The following TMEM9B variants were observed in gnomAD, a reference collection of about 807,000 sequenced individuals.
TMEM9B encodes transmembrane protein 9B.
Under a neutral mutation model 23.5 loss-of-function variants are expected in TMEM9B, and 8 were observed. The ratio of observed to expected loss-of-function variants is 0.34; its 90% CI spans 0.20 to 0.61. The LOEUF (loss-of-function observed/expected upper bound fraction) is 0.61. Among genes scored for constraint, TMEM9B ranks in the 20% least tolerant of loss-of-function variants. TMEM9B has a pLI of 0.78. For missense variants in TMEM9B, 197 were observed against 252.3 expected, an observed-to-expected ratio of 0.78 and a Z score of 1.49; for synonymous variants, 106 against 96.3, an observed-to-expected ratio of 1.10 and a Z score of -0.59.
intron 4 of TMEM9B, among the ~76,000 whole-genome samples, chr11:8,952,536 G>C (rs1473427177): frequency 6.6e-6 from 1 of 151,868 alleles, no homozygotes; most frequent in Non-Finnish European, 1.5e-5. Flanking sequence ...TCAGCCTCCT[G>C]AATAGTTGGG....
At chr11:8,953,691 T>A (rs747702043) in intron 3 of TMEM9B, among the ~76,000 whole-genome samples, 2 of 152,240 alleles carry the variant, frequency 1.3e-5, no homozygotes, top group Non-Finnish European at 2.9e-5. Context: ...TCTAGGCCGG[T>A]GATTTTTTCT....
Position 8,948,423 on chromosome 11 carries a change from C to T in TMEM9B, c.494G>A (p.Arg165Gln), listed in dbSNP as rs1479937361. The T allele has an allele frequency of 3.7e-6, 6 of 1,614,070 alleles. No homozygotes were observed. Among genetic ancestry groups the T allele is most frequent in the East Asian group, 4.5e-5 (2 of 44,892 alleles). ...AHDVLARSRS[R>Q]ANVLNKVEYA... ...TTCTACCTTGTTCAGCACGTTGGCT[C>T]GACTGCGGGAGCGGGCTAGCACATC... Residue 165 changes from arginine (R) to glutamine (Q), a missense_variant, in exon 5 of 5, where the codon CGA becomes CAA. Transcript: ENST00000534025.
intron 4 of TMEM9B, among the ~76,000 whole-genome samples, chr11:8,951,330 T>C (rs1566121437): frequency 6.6e-6 from 1 of 152,206 alleles, no homozygotes; most frequent in East Asian, 1.9e-4. Flanking sequence ...GGGCTCACTC[T>C]GGGTTTGGCT....
Position 8,962,163 on chromosome 11 carries a change from A to G in TMEM9B, c.126T>C (p.Cys42=). The part of the protein sequence containing the change: ...DAAKNFEDVR[C]KCICPPYKEN... ...CTTTATAGGGAGGGCAGATACATTTACATCTGACATCCTCGAAATTCTGTA... is the reference window on the plus strand; with the variant it reads ...CTTTATAGGGAGGGCAGATACATTTGCATCTGACATCCTCGAAATTCTGTA... The change falls in exon 2 of 5, where the codon TGT becomes TGC. Residue 42 remains cysteine, a synonymous_variant. Transcript: ENST00000534025. 1 of 1,603,086 alleles carries G rather than the reference A, an allele frequency of 6.2e-7. No individual in the cohort carries two copies. The highest frequency in any genetic ancestry group is 1.1e-5 in the South Asian group (1 of 88,104).
At chr11:8,951,751 G>C (rs947523783) in intron 4 of TMEM9B, among the ~76,000 whole-genome samples, 4 of 146,024 alleles carry the variant, frequency 2.7e-5, no homozygotes, top group African/African-American at 1.0e-4. Flanking sequence ...GAGCGAGACT[G>C]CGTCTCAAAA....
intron 1 of TMEM9B, 181 bp downstream of exon 1, chr11:8,964,028 C>T: frequency 1.2e-5 from 7 of 592,996 alleles, no homozygotes; most frequent in Non-Finnish European, 1.9e-5. Flanking sequence ...GGGCTGAGGG[C>T]GAGAGTGCCG....
intron 1 of TMEM9B, chr11:8,962,763 A>T (rs917972634): frequency 6.6e-6 from 1 of 152,300 alleles, no homozygotes; most frequent in Admixed American, 6.5e-5. Context: ...TACTCTTCCC[A>T]GGAAACTTTG....
chr11:8,964,402 C>T lies in TMEM9B; in HGVS notation c.-89G>A. On this transcript the variant is annotated 5_prime_UTR_variant, in exon 1 of 5. Transcript: ENST00000534025. ...GCTCAGGCTCAGGCTCAGGCACAGG[C>T]TTGGGACCCGGCTGGGGATCCTCCG... 6 of 1,477,588 alleles carry T rather than the reference C, an allele frequency of 4.1e-6. No homozygotes were observed. Among genetic ancestry groups the T allele is most frequent in the Non-Finnish European group, 5.4e-6 (6 of 1,118,106 alleles). The allele number at this position is 1,477,588 out of a possible 1,614,324, so 91.5% of individuals were successfully genotyped here. A position where few individuals can be genotyped will look rare whatever the true frequency, so the allele number is the denominator to read the frequency against.
At chr11:8,959,827 CTTAAGTT>C (rs1397805146) in intron 2 of TMEM9B, among the ~76,000 whole-genome samples, 3 of 152,268 alleles carry the variant, frequency 2.0e-5, no homozygotes, top group South Asian at 2.1e-4. Flanking sequence ...TCCAACTACT[CTTAAGTT>C]TTAAGTCAGC....
intron 1 of TMEM9B, chr11:8,964,003 C>T: frequency 1.8e-6 from 1 of 571,336 alleles, no homozygotes; most frequent in Non-Finnish European, 3.0e-6. Flanking sequence ...TGGGGCGCTG[C>T]CTGCCAGGCT....
At position 8,953,142 on chromosome 11, in the gene TMEM9B, A is replaced by C. The variant is rs566470255; in HGVS notation, c.441+61T>G. 13 of 1,608,246 alleles carry C rather than the reference A, an allele frequency of 8.1e-6. No homozygotes were observed. The South Asian group carries it at 1.1e-4, about 14-fold the overall frequency. On this transcript the variant is annotated intron_variant, in intron 4 of 4. Transcript: ENST00000534025. ...CTATATATGACTATTTTTCACTTGC[A>C]CTTCACATCGAATGATGACAGGGAC...
intron 3 of TMEM9B, among the ~76,000 whole-genome samples, chr11:8,954,666 A>ACATAAGTTG (rs1476249259): frequency 2.0e-5 from 3 of 152,204 alleles, no homozygotes; most frequent in African/African-American, 7.2e-5. Flanking sequence ...CTTTTAGGGT[A>ACATAAGTTG]CATAAGTTGT....
intron 2 of TMEM9B, among the ~76,000 whole-genome samples, chr11:8,958,815 C>G (rs1263158190): frequency 6.6e-6 from 1 of 152,082 alleles, no homozygotes; most frequent in Non-Finnish European, 1.5e-5. Flanking sequence ...AGGTGATGTG[C>G]CTGCCTCGGC....
At chr11:8,955,397 A>G (rs1285625276) in intron 3 of TMEM9B, among the ~76,000 whole-genome samples, 1 of 152,074 alleles carries the variant, frequency 6.6e-6, no homozygotes, top group Non-Finnish European at 1.5e-5. Flanking sequence ...TATTTCTATT[A>G]TTATTACATT....
At chr11:8,964,186 G>C in intron 1 of TMEM9B, 23 bp downstream of exon 1, 1 of 1,555,794 alleles carries the variant, frequency 6.4e-7, no homozygotes, top group South Asian at 1.2e-5. Flanking sequence ...CTTCCGTCAG[G>C]AGCGAGGCTG....
In TMEM9B at chr11:8,964,378, C is replaced by CTCAGGT; in HGVS notation, c.-66_-65insACCTGA. ...GACCGGCTCCCGGCTCGGGCTCAGGCTCAGGCTCAGGCTCAGGCACAGGCT... is the reference window on the plus strand; with the variant it reads ...GACCGGCTCCCGGCTCGGGCTCAGGCTCAGGTTCAGGCTCAGGCTCAGGCACAGGCT... On this transcript the variant is annotated 5_prime_UTR_variant, in exon 1 of 5. Coordinates refer to ENST00000534025, the MANE Select transcript of TMEM9B (RefSeq NM_020644.3). The CTCAGGT allele has an allele frequency of 6.6e-7, 1 of 1,506,340 alleles. No individual in the cohort carries two copies. The highest frequency in any genetic ancestry group is 8.8e-7 in the Non-Finnish European group (1 of 1,130,818). The allele number at this position is 1,506,340 out of a possible 1,614,324, so 93.3% of individuals were successfully genotyped here. A position where few individuals can be genotyped will look rare whatever the true frequency, so the allele number is the denominator to read the frequency against.
intron 2 of TMEM9B, among the ~76,000 whole-genome samples, chr11:8,960,387 C>T (rs748200929): frequency 1.3e-5 from 2 of 152,114 alleles, no homozygotes; most frequent in African/African-American, 2.4e-5. Context: ...AGTGATCCAC[C>T]TGCCTTGGCC....
At chr11:8,960,755 C>T (rs1412939482) in intron 2 of TMEM9B, among the ~76,000 whole-genome samples, 1 of 151,634 alleles carries the variant, frequency 6.6e-6, no homozygotes, top group Non-Finnish European at 1.5e-5. Context: ...GATCTCGGCT[C>T]ACTGCAAGCT....
At chr11:8,961,158 C>G (rs1854072995) in intron 2 of TMEM9B, among the ~76,000 whole-genome samples, 1 of 152,148 alleles carries the variant, frequency 6.6e-6, no homozygotes, top group Non-Finnish European at 1.5e-5. Context: ...CAGGGAAGAA[C>G]AGACAGTGGC....
Sources: gnomAD v4.1 joint callset for allele counts (sites outside exome capture counted in the v4.1 genomes callset) on GRCh38, gnomAD v4.1.1 for gene constraint, MANE v1.5 for transcripts, NCBI Gene and HGNC (gene_info 2026-07-23, HGNC 2026-07-21) for gene names.